Variants in SPRED2 observed in about 807,000 individuals in gnomAD.
SPRED2 encodes the protein sprouty-related, EVH1 domain-containing protein 2.
SPRED2 carries 47 observed loss-of-function variants against 43.0 expected under a neutral mutation model. The observed-to-expected ratio is 1.09, with a 90% CI of 0.87 to 1.40. SPRED2 has a LOEUF of 1.40. Ranked by LOEUF, SPRED2 falls within the 40% of genes most tolerant of loss-of-function variation. The pLI is 0.00. For missense variants in SPRED2, 561 were observed against 586.4 expected, an observed-to-expected ratio of 0.96 and a Z score of 0.45; for synonymous variants, 225 against 225.7, an observed-to-expected ratio of 1.00 and a Z score of 0.03.
rs1283001402 is a variant in SPRED2 at position 65,313,926 on chromosome 2, C to T, written c.832G>A (p.Glu278Lys). Residue 278 changes from glutamate (E) to lysine (K), a missense_variant, in exon 6 of 6, where the codon GAG (glutamate) becomes AAG (lysine). Glu to Lys is a moderately conservative substitution (Grantham distance 56). Around this residue, in one of 6 missense-constraint regions of SPRED2, gnomAD observed 164 missense variants for 164.1 expected, o/e 1.00. Transcript: ENST00000356388. ...CTGCCCCCGCGGCCTTTGGGGTCCT[C>T]GCCTAGGCCAAAGTCTGAGGAGTCC... is the stretch of plus-strand genomic sequence containing the variant. ...YVDSSDFGLG[E>K]DPKGRGGSVI... 1 of 1,611,054 alleles carries T rather than the reference C, an allele frequency of 6.2e-7. No homozygotes were observed. Among genetic ancestry groups the T allele is most frequent in the Non-Finnish European group, 8.5e-7 (1 of 1,179,994 alleles).
intron 2 of SPRED2, among the ~76,000 whole-genome samples, chr2:65,339,743 AAAAAG>A (rs1195760736): frequency 3.3e-5 from 5 of 152,094 alleles, no homozygotes; most frequent in Non-Finnish European, 5.9e-5. Context: ...TAAAAAAAAA[AAAAAG>A]AAAGTGAAAG....
intron 4 of SPRED2, among the ~76,000 whole-genome samples, chr2:65,318,224 G>A (rs1673303265): frequency 6.6e-6 from 1 of 152,180 alleles, no homozygotes; most frequent in Non-Finnish European, 1.5e-5. Flanking sequence ...CGCCATGATT[G>A]TGAGGCCTCC....
chr2:65,410,758 C>CAAA (rs61170317), intron 1 of SPRED2, among the ~76,000 whole-genome samples: 4 of 128,842 alleles, frequency 3.1e-5, no homozygotes, highest in African/African-American at 8.5e-5. Flanking sequence ...GACTCTGTCT[C>CAAA]AAAAAAAAAA....
In SPRED2 at chr2:65,311,750, A is replaced by G; in HGVS notation, c.*1751T>C. 1.0e-6 allele frequency: 1 copy of G among 985,490 alleles called. No homozygotes were observed. The highest frequency in any genetic ancestry group is 1.7e-5 in the African/African-American group (1 of 57,372). 61.0% of individuals were successfully genotyped at this position (985,490 alleles called of 1,614,324 possible). On this transcript the variant is annotated 3_prime_UTR_variant, in exon 6 of 6. Transcript: ENST00000356388. ...AATGAAGACGTCTACTAACTGACTCATAAGCACACTGGGTATTTACACCGG... is the reference window on the plus strand; with the variant it reads ...AATGAAGACGTCTACTAACTGACTCGTAAGCACACTGGGTATTTACACCGG...
chr2:65,316,165 C>T (rs1235218093), intron 5 of SPRED2, among the ~76,000 whole-genome samples: 3 of 152,228 alleles, frequency 2.0e-5, no homozygotes. Context: ...GATTTGGGAA[C>T]TTGCTCTGCA....
chr2:65,329,826 G>T (rs765959377), intron 4 of SPRED2, among the ~76,000 whole-genome samples: 1 of 152,176 alleles, frequency 6.6e-6, no homozygotes. Flanking sequence ...GGATCTGCTC[G>T]GAGCACTATA....
At chr2:65,344,015 C>G (rs1015824927) in intron 2 of SPRED2, among the ~76,000 whole-genome samples, 1 of 151,710 alleles carries the variant, frequency 6.6e-6, no homozygotes, top group Non-Finnish European at 1.5e-5. Context: ...GGTGTAGTGG[C>G]GCGCACCTGT....
At chr2:65,392,921 G>A (rs867576531) in intron 1 of SPRED2, among the ~76,000 whole-genome samples, 12 of 152,136 alleles carry the variant, frequency 7.9e-5, no homozygotes, top group Non-Finnish European at 1.3e-4. Context: ...GGACCAGCAC[G>A]GGACCATGGA....
intron 1 of SPRED2, among the ~76,000 whole-genome samples, chr2:65,411,464 C>T (rs1338071770): frequency 6.6e-6 from 1 of 152,132 alleles, no homozygotes; most frequent in African/African-American, 2.4e-5. Context: ...GGTACTTATT[C>T]CTATATGCTG....
intron 4 of SPRED2, among the ~76,000 whole-genome samples, chr2:65,317,561 A>AACAACAAC (rs1558647445): frequency 1.0e-5 from 1 of 96,062 alleles, no homozygotes; most frequent in African/African-American, 4.3e-5. Context: ...ACAACAACAA[A>AACAACAAC]AACAAAACAT....
In SPRED2 at chr2:65,407,245, C is replaced by CTTTT. The variant is rs70943650; in HGVS notation, c.26+24713_26+24716dup. 2.5e-5 allele frequency among the ~76,000 whole-genome samples: 3 copies of CTTTT among 120,966 alleles called. 1 individual carries two copies. Among genetic ancestry groups the CTTTT allele is most frequent in the Non-Finnish European group, 4.9e-5 (3 of 60,882 alleles). 79.4% of individuals were successfully genotyped at this position (120,966 alleles called of 152,430 possible). ...TCTTTCTCAAATGGGGCGCTGGCTC[C>CTTTT]TTTTTTTTTTTTTGCTAAAAGTCCC... On this transcript the variant is annotated intron_variant, in intron 1 of 5. Coordinates refer to ENST00000356388, the MANE Select transcript of SPRED2 (RefSeq NM_181784.3).
At chr2:65,395,585 T>C (rs1675740655) in intron 1 of SPRED2, among the ~76,000 whole-genome samples, 1 of 152,172 alleles carries the variant, frequency 6.6e-6, no homozygotes, top group East Asian at 1.9e-4. Flanking sequence ...CCTCAATTCA[T>C]CTTGCACATC....
At chr2:65,400,056 C>G (rs557479689) in intron 1 of SPRED2, among the ~76,000 whole-genome samples, 41 of 152,322 alleles carry the variant, frequency 2.7e-4, no homozygotes, top group Non-Finnish European at 4.7e-4. Flanking sequence ...CAGGTATAAA[C>G]TCTTCTCCAA....
chr2:65,315,527 T>A (rs1673207334), intron 5 of SPRED2, among the ~76,000 whole-genome samples: 1 of 152,228 alleles, frequency 6.6e-6, no homozygotes, highest in Non-Finnish European at 1.5e-5. Flanking sequence ...GTTGCCTAGA[T>A]TTTTGAAAAT....
chr2:65,415,169 T>G lies in SPRED2; in HGVS notation c.26+16793A>C, dbSNP rs373512172. ...CCATTTTTATACAATTCAGTGGCATTAAGTACATTCACGCTGTTGTGTAAG... is the reference window on the plus strand; with the variant it reads ...CCATTTTTATACAATTCAGTGGCATGAAGTACATTCACGCTGTTGTGTAAG... On this transcript the variant is annotated intron_variant, in intron 1 of 5. Transcript: ENST00000356388. Among the ~76,000 whole-genome samples, 73 of 152,338 alleles carry G rather than the reference T, an allele frequency of 4.8e-4. 1 individual carries two copies. Among genetic ancestry groups the G allele is most frequent in the Middle Eastern group, 3.4e-3 (1 of 294 alleles).
At chr2:65,357,767 G>A (rs897010326) in intron 1 of SPRED2, among the ~76,000 whole-genome samples, 1 of 152,142 alleles carries the variant, frequency 6.6e-6, no homozygotes, top group Non-Finnish European at 1.5e-5. Context: ...CACCAATAGA[G>A]GTAATTCCTT....
chr2:65,405,266 A>C (rs1675996466), intron 1 of SPRED2, among the ~76,000 whole-genome samples: 1 of 152,222 alleles, frequency 6.6e-6, no homozygotes, highest in South Asian at 2.1e-4. Context: ...AAGAGCATGG[A>C]GATGACATAG....
At chr2:65,326,318 G>A (rs1027342648) in intron 4 of SPRED2, among the ~76,000 whole-genome samples, 4 of 152,038 alleles carry the variant, frequency 2.6e-5, no homozygotes, top group Non-Finnish European at 4.4e-5. Context: ...GATTTTCCCC[G>A]CAATGTCTAC....
rs928821510 is a variant in SPRED2 at position 65,315,817 on chromosome 2, C to T, written c.588+917G>A. Reference sequence around the variant, plus strand: ...GGGACTACAGGCGCCCGCCACCACACCCAGCTAATTTTTTGTATTTTTAGT... The same window carrying T: ...GGGACTACAGGCGCCCGCCACCACATCCAGCTAATTTTTTGTATTTTTAGT... On this transcript the variant is annotated intron_variant, in intron 5 of 5. Coordinates refer to ENST00000356388, the MANE Select transcript of SPRED2 (RefSeq NM_181784.3). Among the ~76,000 whole-genome samples, 12 of 152,324 alleles carry T rather than the reference C, an allele frequency of 7.9e-5. 1 individual carries two copies. In the South Asian group the frequency reaches 2.5e-3, roughly 32 times the overall value.
Sources: allele counts gnomAD v4.1 joint callset (sites outside exome capture counted in the v4.1 genomes callset), GRCh38; gene constraint gnomAD v4.1.1; regional missense constraint gnomAD v4.1.1; transcripts MANE v1.5; gene names NCBI Gene and HGNC (gene_info 2026-07-23, HGNC 2026-07-21).